Variants in SLIT3 observed in about 807,000 individuals in gnomAD.
The protein encoded by SLIT3 is slit guidance ligand 3.
SLIT3 carries 68 observed loss-of-function variants against 184.0 expected under a neutral mutation model. The ratio of observed to expected loss-of-function variants is 0.37; its 90% CI spans 0.30 to 0.45. The LOEUF (loss-of-function observed/expected upper bound fraction) is 0.45, where lower values mean the gene tolerates loss of function less well. SLIT3 is among the 20% of genes least tolerant of loss of function. SLIT3 has a pLI of 1.00. For synonymous variants in SLIT3, 831 were observed against 828.6 expected (o/e 1.00, Z -0.05); for missense variants, 1,707 against 2,026.0 (o/e 0.84, Z 3.02).
At chr5:168,988,830 TGCCTCCAGAGAAAAGAATCA>T (rs1163307011) in intron 4 of SLIT3, among the ~76,000 whole-genome samples, 10 of 152,172 alleles carry the variant, frequency 6.6e-5, no homozygotes, top group Non-Finnish European at 1.3e-4. Flanking sequence ...TCCTGGGTTT[TGCCTCCAGAGAAAAGAATCA>T]GCATCTCTCT....
rs570584069 is a variant in SLIT3, at chr5:169,195,913, T to A, written c.342-2363A>T. 4.0e-3 allele frequency among the ~76,000 whole-genome samples: 607 copies of A among 152,226 alleles called. 4 individuals carry two copies. The highest frequency in any genetic ancestry group is 6.7e-3 in the Non-Finnish European group (455 of 68,012). ...ATCATGAGATTTATCTTCTTAGCAA[T>A]AAAAAAACTGTACACTAAAAGTGTA... On this transcript the variant is annotated intron_variant, in intron 3 of 35. Transcript: ENST00000519560.
At position 168,678,602 on chromosome 5, in the gene SLIT3, GA is replaced by G. The variant is rs560691734; in HGVS notation, c.3687-5272del. ...GGAGGCTGAGGCAGGAGAATCACCT[GA>G]ACCCAGGAGGTGGAGGTTGCAGTGA... On this transcript the variant is annotated intron_variant, in intron 32 of 35. Transcript: ENST00000519560. Among the ~76,000 whole-genome samples the G allele has an allele frequency of 1.4e-4, 22 of 152,166 alleles. No homozygotes were observed. The South Asian group carries it at 4.6e-3, about 32-fold the overall frequency.
intron 4 of SLIT3, among the ~76,000 whole-genome samples, chr5:169,098,760 T>C (rs1759889592): frequency 6.6e-6 from 1 of 152,204 alleles, no homozygotes; most frequent in Non-Finnish European, 1.5e-5. Flanking sequence ...ACACAGTCAT[T>C]ACAATGGGAC....
intron 14 of SLIT3, among the ~76,000 whole-genome samples, chr5:168,766,055 A>G (rs1435974663): frequency 1.3e-5 from 2 of 152,194 alleles, no homozygotes; most frequent in Non-Finnish European, 2.9e-5. Flanking sequence ...GTAGGGAGCC[A>G]AGCTCCCATG....
chr5:168,677,241 C>T (rs1168066626), intron 32 of SLIT3, among the ~76,000 whole-genome samples: 1 of 152,178 alleles, frequency 6.6e-6, no homozygotes, highest in Non-Finnish European at 1.5e-5. Flanking sequence ...TGCTTCTATT[C>T]AATGAGTTTT....
chr5:169,011,288 T>C (rs1756139016), intron 4 of SLIT3, among the ~76,000 whole-genome samples: 1 of 152,124 alleles, frequency 6.6e-6, no homozygotes, highest in Non-Finnish European at 1.5e-5. Flanking sequence ...ATTACCACTC[T>C]CCAGTGTGTA....
chr5:169,190,784 A>G (rs1020236455), intron 4 of SLIT3, among the ~76,000 whole-genome samples: 1 of 152,154 alleles, frequency 6.6e-6, no homozygotes, highest in Non-Finnish European at 1.5e-5. Context: ...TTCAAAACAG[A>G]GCCAGTGGCA....
chr5:168,780,265 C>T (rs539716439), intron 12 of SLIT3, among the ~76,000 whole-genome samples: 1 of 152,362 alleles, frequency 6.6e-6, no homozygotes, highest in Admixed American at 6.5e-5. Context: ...AAGGCCTCCT[C>T]AGAAAACTGG....
chr5:168,920,899 A>G (rs960078970), intron 4 of SLIT3, among the ~76,000 whole-genome samples: 2 of 152,168 alleles, frequency 1.3e-5, no homozygotes, highest in African/African-American at 4.8e-5. Context: ...CATTGCATAA[A>G]TACCCACCAC....
rs1194672250 is a variant in SLIT3, at chr5:168,665,773, C to T, written c.*681G>A. On this transcript the variant is annotated 3_prime_UTR_variant, in exon 36 of 36. Coordinates refer to ENST00000519560, the MANE Select transcript of SLIT3 (RefSeq NM_003062.4). ...GGGTCCCCCAGTGGGTTCAGATACC[C>T]TGAAGGGGGGTCTGGGACAGACAGG... The T allele has an allele frequency of 6.6e-6, 1 of 152,334 alleles. No individual in the cohort carries two copies. Among genetic ancestry groups the T allele is most frequent in the South Asian group, 2.1e-4 (1 of 4,830 alleles). The allele number at this position is 152,334 out of a possible 1,614,324, so 9.4% of individuals were successfully genotyped here.
In SLIT3 at chr5:168,687,104, G is replaced by T; in HGVS notation, c.3189C>A (p.Val1063=). The change falls in exon 30 of 36, where the codon GTC becomes GTA. Residue 1063 remains valine, a synonymous_variant. Coordinates refer to ENST00000519560, the MANE Select transcript of SLIT3 (RefSeq NM_003062.4). ...CACAGAGCTTCCCGCTGTAGCCAGG[G>T]ACACACTCGCAGCTGGAACATAGGC... ...PLDKGFSCEC[V]PGYSGKLCET... 2 of 1,614,016 alleles carry T rather than the reference G, an allele frequency of 1.2e-6. No homozygotes were observed. Among genetic ancestry groups the T allele is most frequent in the Non-Finnish European group, 1.7e-6 (2 of 1,179,834 alleles).
intron 5 of SLIT3, among the ~76,000 whole-genome samples, chr5:168,877,353 A>T (rs2113778236): frequency 6.6e-6 from 1 of 152,218 alleles, no homozygotes; most frequent in East Asian, 1.9e-4. Context: ...GCAAGTGCAA[A>T]GGTCCTGGGG....
At chr5:169,096,225 T>G (rs1450780303) in intron 4 of SLIT3, among the ~76,000 whole-genome samples, 1 of 152,264 alleles carries the variant, frequency 6.6e-6, no homozygotes, top group Admixed American at 6.5e-5. Context: ...ACTGCCACAG[T>G]GTAAGTATAG....
chr5:169,137,335 C>CACACACACAG (rs368371904), intron 4 of SLIT3, among the ~76,000 whole-genome samples: 86 of 138,658 alleles, frequency 6.2e-4, no homozygotes, highest in African/African-American at 2.2e-3. Context: ...CACACACACA[C>CACACACACAG]AGAGAGAGAG....
In SLIT3 at chr5:168,696,436, G is replaced by A; in HGVS notation, c.2943-5C>T. Reference sequence around the variant, plus strand: ...AAGCCCAGAGGGCAGGAGCAGCTTTGGGATGTGAGGGGTGGAGAGCAGGGG... The same window carrying A: ...AAGCCCAGAGGGCAGGAGCAGCTTTAGGATGTGAGGGGTGGAGAGCAGGGG... On this transcript the variant is annotated splice_polypyrimidine_tract_variant and splice_region_variant and intron_variant, in intron 27 of 35. Transcript: ENST00000519560. 6.2e-7 allele frequency: 1 copy of A among 1,614,040 alleles called. No individual in the cohort carries two copies. Among genetic ancestry groups the A allele is most frequent in the Non-Finnish European group, 8.5e-7 (1 of 1,180,018 alleles).
intron 1 of SLIT3, among the ~76,000 whole-genome samples, chr5:169,258,773 T>C (rs1766065207): frequency 6.6e-6 from 1 of 152,248 alleles, no homozygotes; most frequent in South Asian, 2.1e-4. Context: ...GGCACATGTA[T>C]ATCCATACCC....
intron 4 of SLIT3, among the ~76,000 whole-genome samples, chr5:169,074,665 A>G (rs1758672562): frequency 6.6e-6 from 1 of 152,178 alleles, no homozygotes; most frequent in African/African-American, 2.4e-5. Context: ...ATGGATTTCA[A>G]AATTAAAGTC....
At chr5:168,910,154 A>C (rs909511202) in intron 4 of SLIT3, among the ~76,000 whole-genome samples, 5 of 152,158 alleles carry the variant, frequency 3.3e-5, no homozygotes, top group African/African-American at 1.2e-4. Flanking sequence ...ACTTTAGAGT[A>C]TTTACTTCTC....
intron 4 of SLIT3, among the ~76,000 whole-genome samples, chr5:169,054,471 C>T (rs180959073): frequency 6.6e-6 from 1 of 152,204 alleles, no homozygotes; most frequent in African/African-American, 2.4e-5. Flanking sequence ...TTTCTGCAGC[C>T]CTAGGAAACT....
Sources: gnomAD v4.1 joint callset for allele counts (sites outside exome capture counted in the v4.1 genomes callset) on GRCh38, gnomAD v4.1.1 for gene constraint, MANE v1.5 for transcripts, NCBI Gene and HGNC (gene_info 2026-07-23, HGNC 2026-07-21) for gene names.